The following COL19A1 variants were observed in gnomAD, a reference collection of about 807,000 sequenced individuals.
COL19A1 encodes collagen alpha-1(XIX) chain.
A neutral mutation model predicts 190.2 loss-of-function variants in COL19A1; 159 were observed. That is an observed-to-expected ratio of 0.84 (90% CI 0.73 to 0.95). The LOEUF (loss-of-function observed/expected upper bound fraction) is 0.95. COL19A1 is among the 40% of genes least tolerant of loss of function. The probability of loss-of-function intolerance (pLI) is 0.00; values close to 1 mark genes in which losing one functional copy is unlikely to be tolerated. For missense variants in COL19A1, 1,418 were observed against 1,431.9 expected (o/e 0.99, Z 0.16); for synonymous variants, 509 against 458.9 (o/e 1.11, Z -1.39).
At chr6:70,105,876 C>A (rs1048944728) in intron 16 of COL19A1, among the ~76,000 whole-genome samples, 13 of 151,830 alleles carry the variant, frequency 8.6e-5, no homozygotes, top group Admixed American at 7.9e-4. Context: ...ATGTAATATC[C>A]CTCAAATAAG....
chr6:69,906,946 C>A, intron 4 of COL19A1, among the ~76,000 whole-genome samples: 1 of 152,052 alleles, frequency 6.6e-6, no homozygotes, highest in East Asian at 1.9e-4. Context: ...GAACTCTGGA[C>A]TTTAACAGTT....
chr6:69,985,251 A>C (rs1776250434), intron 11 of COL19A1, among the ~76,000 whole-genome samples: 1 of 152,200 alleles, frequency 6.6e-6, no homozygotes, highest in African/African-American at 2.4e-5. Flanking sequence ...CATTTGTTTA[A>C]GTAGTGAGGT....
Position 70,149,881 on chromosome 6 carries a change from A to T in COL19A1, c.1960A>T (p.Thr654Ser), listed in dbSNP as rs1270053825. 1.2e-6 allele frequency: 2 copies of T among 1,613,444 alleles called. No individual in the cohort carries two copies. Among genetic ancestry groups the T allele is most frequent in the Non-Finnish European group, 1.7e-6 (2 of 1,179,714 alleles). The change falls in exon 29 of 51, where the codon ACT becomes TCT. Residue 654 changes from threonine (T) to serine (S), a missense_variant. Thr to Ser is a moderately conservative substitution (Grantham distance 58). Transcript: ENST00000620364. ...TCGAGGTCTCCCTGGGTTGCCAGGA[A>T]CTCCAGGGACTCCAGGGAATGATGT... Reference protein sequence around the residue: ...GPRGLPGLPGTPGTPGNDGVP... With the variant: ...GPRGLPGLPGSPGTPGNDGVP...
intron 10 of COL19A1, among the ~76,000 whole-genome samples, chr6:69,960,707 G>A (rs1292600958): frequency 6.9e-6 from 1 of 145,746 alleles, no homozygotes; most frequent in African/African-American, 2.6e-5. Flanking sequence ...TTGGCTCACT[G>A]CAAGCTCTGC....
intron 15 of COL19A1, among the ~76,000 whole-genome samples, chr6:70,082,881 G>A (rs12203835): frequency 0.34 from 51,700 of 152,012 alleles, 11,077 homozygotes; most frequent in Non-Finnish European, 0.48. Flanking sequence ...CATAAGGAGC[G>A]TGTAGCCTAG....
chr6:70,080,822 T>G (rs991410547), intron 15 of COL19A1, among the ~76,000 whole-genome samples: 1 of 152,212 alleles, frequency 6.6e-6, no homozygotes, highest in African/African-American at 2.4e-5. Context: ...GAGTCCTGCC[T>G]GTGTTTTATC....
At chr6:70,025,026 C>CT (rs1201144149) in intron 12 of COL19A1, among the ~76,000 whole-genome samples, 2,064 of 137,684 alleles carry the variant, frequency 0.015, 45 homozygotes, top group African/African-American at 0.042. Context: ...GGGATAGATT[C>CT]TTTTTTTTTT....
rs79856942 is a variant in COL19A1 at position 70,104,983 on chromosome 6, G to T, written c.1278+2761G>T. On this transcript the variant is annotated intron_variant, in intron 16 of 50. Coordinates refer to ENST00000620364, the MANE Select transcript of COL19A1 (RefSeq NM_001858.6). ...GATAGGATTTATAATATTCAATTCCGCAGACTTTAGTTTGTTGCCAGAGTG... is the reference window on the plus strand; with the variant it reads ...GATAGGATTTATAATATTCAATTCCTCAGACTTTAGTTTGTTGCCAGAGTG... Among the ~76,000 whole-genome samples, 690 of 152,224 alleles carry T rather than the reference G, an allele frequency of 4.5e-3. 14 individuals are homozygous for T. In the East Asian group the frequency reaches 0.059, roughly 13 times the overall value.
At chr6:70,098,191 C>T (rs1783402655) in intron 15 of COL19A1, among the ~76,000 whole-genome samples, 1 of 152,184 alleles carries the variant, frequency 6.6e-6, no homozygotes, top group East Asian at 1.9e-4. Flanking sequence ...TTAGACTTTC[C>T]TCTGAAAAGT....
At chr6:70,078,651 C>A (rs1354208980) in intron 15 of COL19A1, among the ~76,000 whole-genome samples, 6 of 152,184 alleles carry the variant, frequency 3.9e-5, no homozygotes, top group Non-Finnish European at 8.8e-5. Flanking sequence ...CCACCCTAGC[C>A]TGGCACCAAC....
chr6:69,921,987 C>T (rs1227726029), intron 4 of COL19A1, among the ~76,000 whole-genome samples: 1 of 152,010 alleles, frequency 6.6e-6, no homozygotes, highest in Non-Finnish European at 1.5e-5. Context: ...ATATCTTAGA[C>T]ATAGCAAGCT....
At chr6:69,920,725 G>A (rs930670373) in intron 4 of COL19A1, among the ~76,000 whole-genome samples, 1 of 151,698 alleles carries the variant, frequency 6.6e-6, no homozygotes, top group South Asian at 2.1e-4. Context: ...TAGAAAAGTA[G>A]ACAATTTAAA....
At chr6:69,878,102 A>C (rs1768254883) in intron 1 of COL19A1, among the ~76,000 whole-genome samples, 1 of 152,126 alleles carries the variant, frequency 6.6e-6, no homozygotes, top group Admixed American at 6.5e-5. Flanking sequence ...TAAGCACCTG[A>C]AAAGATGTTC....
At chr6:69,891,660 A>G (rs1390889616) in intron 2 of COL19A1, among the ~76,000 whole-genome samples, 1 of 152,196 alleles carries the variant, frequency 6.6e-6, no homozygotes, top group Non-Finnish European at 1.5e-5. Flanking sequence ...ACTTTCACCC[A>G]TAAAACAGGA....
chr6:70,110,772 C>A (rs1784239387), intron 16 of COL19A1, among the ~76,000 whole-genome samples: 1 of 152,152 alleles, frequency 6.6e-6, no homozygotes. Context: ...GTGTTTTTTA[C>A]TAATAGTGGT....
chr6:70,002,993 C>A (rs1777366411), intron 11 of COL19A1, among the ~76,000 whole-genome samples: 1 of 152,072 alleles, frequency 6.6e-6, no homozygotes, highest in East Asian at 1.9e-4. Context: ...AATTTGAGAT[C>A]TTTCTAGCTG....
rs10707834 is a variant in COL19A1, at chr6:69,915,934, C to CT, written c.267-11952dup. Reference sequence around the variant, plus strand: ...TTCCTGAAAATTACACTCATCTCATCTTTTTTTTTTTTTTTTTTTTTTTAG... The same window carrying CT: ...TTCCTGAAAATTACACTCATCTCATCTTTTTTTTTTTTTTTTTTTTTTTTAG... On this transcript the variant is annotated intron_variant, in intron 4 of 50. Transcript: ENST00000620364. 4.0e-3 allele frequency among the ~76,000 whole-genome samples: 445 copies of CT among 110,882 alleles called. 3 individuals are homozygous for CT. The highest frequency in any genetic ancestry group is 5.8e-3 in the Middle Eastern group (1 of 172). 72.7% of individuals were successfully genotyped at this position (110,882 alleles called of 152,430 possible).
rs1340225455 is a variant in COL19A1 at position 70,210,403 on chromosome 6, C to A, written c.*3129C>A. On this transcript the variant is annotated 3_prime_UTR_variant, in exon 51 of 51. Transcript: ENST00000620364. ...ACTTCTAACCGTAACACAAACACAG[C>A]AAGTTTTAACCTTTTAAACTTTTCA... 3.3e-5 allele frequency among the ~76,000 whole-genome samples: 5 copies of A among 152,136 alleles called. No individual in the cohort carries two copies. Among genetic ancestry groups the A allele is most frequent in the Non-Finnish European group, 5.9e-5 (4 of 67,992 alleles).
At chr6:70,090,065 C>T (rs955314320) in intron 15 of COL19A1, among the ~76,000 whole-genome samples, 4 of 151,946 alleles carry the variant, frequency 2.6e-5, no homozygotes, top group Non-Finnish European at 5.9e-5. Flanking sequence ...GTAGTCCCAG[C>T]TACTTGGGAG....
Sources: allele counts gnomAD v4.1 joint callset (sites outside exome capture counted in the v4.1 genomes callset), GRCh38; gene constraint gnomAD v4.1.1; transcripts MANE v1.5; gene names NCBI Gene and HGNC (gene_info 2026-07-23, HGNC 2026-07-21).